The following PKD1L1 variants were observed in gnomAD, a reference collection of about 807,000 sequenced individuals.
The protein encoded by PKD1L1 is polycystin 1 like 1, transient receptor potential channel interacting.
In PKD1L1, 236 loss-of-function variants were observed where a neutral mutation model predicts 323.4. That is an observed-to-expected ratio of 0.73 (90% CI 0.66 to 0.81). The LOEUF (loss-of-function observed/expected upper bound fraction) is 0.81. PKD1L1 is among the 40% of genes least tolerant of loss of function. The pLI is 0.00. For synonymous variants in PKD1L1, 1,344 were observed against 1,335.0 expected (o/e 1.01, Z -0.15); for missense variants, 3,320 against 3,508.0 (o/e 0.95, Z 1.35).
At position 47,877,580 on chromosome 7, in the gene PKD1L1, G is replaced by C. The variant is rs377756992; in HGVS notation, c.3572C>G (p.Pro1191Arg). 1 of 1,614,136 alleles carries C rather than the reference G, an allele frequency of 6.2e-7. No homozygotes were observed. The highest frequency in any genetic ancestry group is 8.5e-7 in the Non-Finnish European group (1 of 1,180,002). ...GKAQLYLTVN[P>R]APRDMACQVQ... Reference sequence around the variant, plus strand: ...CTGACAGGCCATGTCCCGAGGAGCCGGGTTGACTGTCAAGTACAGCTGAGC... The same window carrying C: ...CTGACAGGCCATGTCCCGAGGAGCCCGGTTGACTGTCAAGTACAGCTGAGC... The change falls in exon 22 of 57, where the codon CCG (proline) becomes CGG (arginine). Residue 1191 changes from proline (P) to arginine (R), a missense_variant. Transcript: ENST00000289672.
chr7:47,886,089 A>C (rs781592253), intron 17 of PKD1L1, 35 bp from the exon 18 acceptor site: 4 of 1,564,268 alleles, frequency 2.6e-6, no homozygotes, highest in Non-Finnish European at 3.5e-6. Flanking sequence ...AGAATTTTGC[A>C]GCAAAAATAT....
intron 52 of PKD1L1, among the ~76,000 whole-genome samples, chr7:47,804,210 C>T (rs1869323): frequency 6.6e-6 from 1 of 152,168 alleles, no homozygotes; most frequent in Non-Finnish European, 1.5e-5. Context: ...TGTCACCCCT[C>T]GGGTTCCCTT....
intron 7 of PKD1L1, among the ~76,000 whole-genome samples, chr7:47,917,556 G>A (rs1787455494): frequency 6.6e-6 from 1 of 152,168 alleles, no homozygotes; most frequent in Non-Finnish European, 1.5e-5. Flanking sequence ...TAAGATGAAG[G>A]AAAGAATCTT....
At chr7:47,957,852 ATT>A in the PKD1L1 span, among the ~76,000 whole-genome samples, 1 of 59,768 alleles carries the variant, frequency 1.7e-5, no homozygotes, top group African/African-American at 4.7e-5. Flanking sequence ...TTACAATACA[ATT>A]AAAAAAAAAT....
At chr7:47,795,963 C>T (rs1005692328) in intron 55 of PKD1L1, 26 bp downstream of exon 55, 1 of 1,602,692 alleles carries the variant, frequency 6.2e-7, no homozygotes. Context: ...CTATCATGCT[C>T]AGTAATCCAA....
intron 18 of PKD1L1, 122 bp downstream of exon 18, chr7:47,885,564 G>C (rs1022230647): frequency 3.7e-6 from 5 of 1,334,820 alleles, no homozygotes; most frequent in Non-Finnish European, 4.1e-6. Context: ...TGAACCTGGC[G>C]CTTTCTGATT....
chr7:47,938,929 G>A (rs913854837), intron 3 of PKD1L1, among the ~76,000 whole-genome samples: 3 of 152,186 alleles, frequency 2.0e-5, no homozygotes, highest in South Asian at 2.1e-4. Context: ...AGGTGATTCT[G>A]CATAGCAGAT....
chr7:47,794,971 T>A (rs1384634273), intron 55 of PKD1L1, among the ~76,000 whole-genome samples: 2 of 152,202 alleles, frequency 1.3e-5, no homozygotes, highest in Non-Finnish European at 2.9e-5. Flanking sequence ...CCCCATTGTA[T>A]CTAGGAAGTA....
At chr7:47,949,701 A>G (rs952551545), upstream of PKD1L1, among the ~76,000 whole-genome samples, 1 of 152,122 alleles carries the variant, frequency 6.6e-6, no homozygotes, top group African/African-American at 2.4e-5. Flanking sequence ...AACACTAGAT[A>G]TTTTTTCTCT....
At position 47,853,167 on chromosome 7, in the gene PKD1L1, C is replaced by T. The variant is rs1785818995; in HGVS notation, c.4920G>A (p.Glu1640=). The T allele has an allele frequency of 6.2e-7, 1 of 1,613,738 alleles. No homozygotes were observed. Among genetic ancestry groups the T allele is most frequent in the Non-Finnish European group, 8.5e-7 (1 of 1,179,816 alleles). The change falls in exon 31 of 57, where the codon GAG becomes GAA. Residue 1640 remains glutamate (E), a synonymous_variant. Coordinates refer to ENST00000289672, the MANE Select transcript of PKD1L1 (RefSeq NM_138295.5). ...FLVKQIYFWD[E]SIVQIYIPAA... ...CAGGTATATAAATCTGCACAATTGA[C>T]TCATCCCAGAAGTAGATCTGCTTCA... is the stretch of plus-strand genomic sequence containing the variant.
intron 30 of PKD1L1, among the ~76,000 whole-genome samples, chr7:47,853,782 A>AAC (rs1562959607): frequency 2.0e-5 from 3 of 150,366 alleles, no homozygotes; most frequent in Non-Finnish European, 3.0e-5. Flanking sequence ...AAAAAAAAAA[A>AAC]AACACCAAAA....
intron 9 of PKD1L1, 84 bp from the exon 10 acceptor site, chr7:47,906,046 AT>A: frequency 7.7e-7 from 1 of 1,290,810 alleles, no homozygotes; most frequent in African/African-American, 1.6e-5. Flanking sequence ...AGTATTTTTC[AT>A]TTTTAACTTT....
Position 47,802,398 on chromosome 7 carries a change from G to A in PKD1L1, c.7962+812C>T, listed in dbSNP as rs371465534. Among the ~76,000 whole-genome samples, 3 of 152,144 alleles carry A rather than the reference G, an allele frequency of 2.0e-5. No individual in the cohort carries two copies. The South Asian group carries it at 6.2e-4, about 32-fold the overall frequency. ...GTGAGCTGGAGTGTGGGACAGCCAG[G>A]TTCAAATGCTGCTCTCTCTGACTCT... On this transcript the variant is annotated intron_variant, in intron 53 of 56. Coordinates refer to ENST00000289672, the MANE Select transcript of PKD1L1 (RefSeq NM_138295.5).
intron 8 of PKD1L1, among the ~76,000 whole-genome samples, chr7:47,911,205 C>T (rs543827818): frequency 1.3e-5 from 2 of 152,192 alleles, no homozygotes; most frequent in East Asian, 3.9e-4. Flanking sequence ...TGAAATCTGG[C>T]TATTTAAAAG....
chr7:47,858,901 A>C lies in PKD1L1; in HGVS notation c.4150-16T>G. Reference sequence around the variant, plus strand: ...TAAAGCCTAGCTGCATGAACAGAAAAGATGTAAATAAAATGCCTGGCCTTG... The same window carrying C: ...TAAAGCCTAGCTGCATGAACAGAAACGATGTAAATAAAATGCCTGGCCTTG... On this transcript the variant is annotated splice_polypyrimidine_tract_variant and intron_variant, in intron 26 of 56. Coordinates refer to ENST00000289672, the MANE Select transcript of PKD1L1 (RefSeq NM_138295.5). 1 of 1,611,666 alleles carries C rather than the reference A, an allele frequency of 6.2e-7. No homozygotes were observed. The highest frequency in any genetic ancestry group is 8.5e-7 in the Non-Finnish European group (1 of 1,178,208).
chr7:47,852,324 T>A (rs921901807), intron 31 of PKD1L1, among the ~76,000 whole-genome samples: 1 of 152,204 alleles, frequency 6.6e-6, no homozygotes, highest in African/African-American at 2.4e-5. Flanking sequence ...AAAGAACACA[T>A]GAAATGCAAC....
intron 49 of PKD1L1, among the ~76,000 whole-genome samples, chr7:47,812,556 C>T (rs1784923783): frequency 6.6e-6 from 1 of 152,174 alleles, no homozygotes; most frequent in Non-Finnish European, 1.5e-5. Context: ...CCCCGTTGCT[C>T]TAAGACCATC....
chr7:47,959,739 G>A, the PKD1L1 span, among the ~76,000 whole-genome samples: 2 of 144,088 alleles, frequency 1.4e-5, no homozygotes, highest in Non-Finnish European at 3.1e-5. Context: ...CCGTCCGGGA[G>A]GGAGGTGGAG....
chr7:47,931,068 G>GA (rs1562995434), intron 6 of PKD1L1, 36 bp downstream of exon 6: 1 of 1,587,230 alleles, frequency 6.3e-7, no homozygotes, highest in Non-Finnish European at 8.6e-7. Context: ...GGGGATTGGA[G>GA]AAGTGGTGCT....
Sources: gnomAD v4.1 joint callset for allele counts (sites outside exome capture counted in the v4.1 genomes callset) on GRCh38, gnomAD v4.1.1 for gene constraint, MANE v1.5 for transcripts, NCBI Gene and HGNC (gene_info 2026-07-23, HGNC 2026-07-21) for gene names.